LTBP1: variants seen among roughly 807,000 people sequenced by gnomAD.
The protein encoded by LTBP1 is latent transforming growth factor beta binding protein 1.
A neutral mutation model predicts 207.6 loss-of-function variants in LTBP1; 129 were observed. That is an observed-to-expected ratio of 0.62 (90% CI 0.54 to 0.72). The LOEUF is 0.72. Ranked by LOEUF, LTBP1 falls within the 30% of genes least tolerant of loss-of-function variation. LTBP1 has a pLI of 0.00. For missense variants in LTBP1, 2,281 were observed against 2,217.2 expected (o/e 1.03, Z -0.58); for synonymous variants, 963 against 833.7 (o/e 1.16, Z -2.67).
At chr2:33,346,654 C>T (rs2094705475) in intron 25 of LTBP1, among the ~76,000 whole-genome samples, 1 of 150,834 alleles carries the variant, frequency 6.6e-6, no homozygotes, top group African/African-American at 2.4e-5. Flanking sequence ...CACTGCACTC[C>T]AGCCTGGGTG....
At chr2:33,232,851 G>C (rs898415977) in intron 9 of LTBP1, among the ~76,000 whole-genome samples, 4 of 152,020 alleles carry the variant, frequency 2.6e-5, no homozygotes, top group African/African-American at 4.8e-5. Flanking sequence ...ATTTTATAAT[G>C]AGACTACTCG....
At chr2:33,074,412 C>G (rs2077965412) in intron 3 of LTBP1, among the ~76,000 whole-genome samples, 1 of 133,102 alleles carries the variant, frequency 7.5e-6, no homozygotes, top group African/African-American at 2.5e-5. Context: ...GGTAGAGATA[C>G]TGAAAGAGCT....
chr2:33,397,731 C>G (rs1213339140), intron 33 of LTBP1, among the ~76,000 whole-genome samples: 1 of 147,688 alleles, frequency 6.8e-6, no homozygotes, highest in Admixed American at 6.8e-5. Flanking sequence ...ACCGTGTTAG[C>G]CAGGATGGTT....
chr2:33,004,240 A>G (rs1490420356), intron 2 of LTBP1, among the ~76,000 whole-genome samples: 1 of 152,100 alleles, frequency 6.6e-6, no homozygotes, highest in African/African-American at 2.4e-5. Context: ...TAACTTGTGC[A>G]GAGAGATTGT....
At chr2:33,118,402 T>G (rs147526773) in intron 4 of LTBP1, among the ~76,000 whole-genome samples, 1,766 of 152,280 alleles carry the variant, frequency 0.012, 13 homozygotes, top group Non-Finnish European at 0.018. Context: ...TGATAAAGCT[T>G]TGTGCTTTTT....
chr2:33,378,348 C>G (rs2095170509), intron 31 of LTBP1, among the ~76,000 whole-genome samples: 1 of 151,874 alleles, frequency 6.6e-6, no homozygotes, highest in African/African-American at 2.4e-5. Flanking sequence ...GCCACAGCCT[C>G]CCGAGTAGCT....
At chr2:33,023,806 C>A (rs879428683) in intron 3 of LTBP1, among the ~76,000 whole-genome samples, 1 of 152,178 alleles carries the variant, frequency 6.6e-6, no homozygotes, top group Admixed American at 6.5e-5. Flanking sequence ...TAGGTTATGA[C>A]ATAATCACAG....
intron 5 of LTBP1, among the ~76,000 whole-genome samples, chr2:33,172,061 T>A (rs1487983306): frequency 6.6e-6 from 1 of 152,158 alleles, no homozygotes; most frequent in Non-Finnish European, 1.5e-5. Context: ...TCATGCCAAA[T>A]TGTAAAGACC....
chr2:33,341,192 T>C (rs1375836325), intron 24 of LTBP1, among the ~76,000 whole-genome samples: 1 of 151,804 alleles, frequency 6.6e-6, no homozygotes, highest in Non-Finnish European at 1.5e-5. Flanking sequence ...AAAAGCACAA[T>C]GGGCGATGAT....
chr2:33,098,442 A>G (rs2079517507), intron 3 of LTBP1, among the ~76,000 whole-genome samples: 1 of 151,808 alleles, frequency 6.6e-6, no homozygotes, highest in Admixed American at 6.6e-5. Flanking sequence ...TATATAAATG[A>G]TTTTTTTCTG....
intron 7 of LTBP1, among the ~76,000 whole-genome samples, chr2:33,199,694 G>T (rs1405158853): frequency 5.3e-5 from 8 of 152,022 alleles, no homozygotes; most frequent in Non-Finnish European, 7.4e-5. Flanking sequence ...TGTCCCTGTT[G>T]GCAGATGACA....
chr2:33,265,189 AC>A (rs796873142), intron 15 of LTBP1, among the ~76,000 whole-genome samples: 22 of 152,266 alleles, frequency 1.4e-4, no homozygotes, highest in African/African-American at 5.3e-4. Flanking sequence ...TCACAGACAC[AC>A]CCAGAAATAT....
intron 3 of LTBP1, among the ~76,000 whole-genome samples, chr2:33,054,947 T>G (rs771024731): frequency 5.9e-5 from 9 of 152,100 alleles, no homozygotes; most frequent in Non-Finnish European, 1.0e-4. Flanking sequence ...GGCAGCTTTT[T>G]CTCACTGGAC....
intron 7 of LTBP1, among the ~76,000 whole-genome samples, chr2:33,200,541 A>C: frequency 6.6e-6 from 1 of 152,222 alleles, no homozygotes; most frequent in Non-Finnish European, 1.5e-5. Context: ...AAACCTAGGC[A>C]TTACCATTCA....
chr2:32,997,565 C>T (rs1191418126), intron 2 of LTBP1, among the ~76,000 whole-genome samples: 1 of 152,124 alleles, frequency 6.6e-6, no homozygotes, highest in East Asian at 1.9e-4. Flanking sequence ...TGGAGAGCGG[C>T]TTCCCCTGGG....
At chr2:33,010,660 A>G (rs1687557596) in intron 2 of LTBP1, among the ~76,000 whole-genome samples, 1 of 152,140 alleles carries the variant, frequency 6.6e-6, no homozygotes, top group African/African-American at 2.4e-5. Context: ...ATTATGTATC[A>G]ATTAAAAAAA....
Position 33,363,502 on chromosome 2 carries a change from G to A in LTBP1, c.4383G>A (p.Val1461=). The A allele has an allele frequency of 6.2e-7, 1 of 1,613,834 alleles. No homozygotes were observed. The highest frequency in any genetic ancestry group is 8.5e-7 in the Non-Finnish European group (1 of 1,179,768). Residue 1461 remains valine (V), a synonymous_variant, in exon 29 of 34, where the codon GTG becomes GTA. Coordinates refer to ENST00000404816, the MANE Select transcript of LTBP1 (RefSeq NM_206943.4). ...AGCAAGGGACGTACTATGATCCTGT[G>A]AAACTGCAGTGCTTTGGTAAGCTTT... ...YCKQGTYYDP[V]KLQCFDMDEC...
intron 2 of LTBP1, among the ~76,000 whole-genome samples, chr2:33,012,344 A>T (rs1687786439): frequency 6.6e-6 from 1 of 152,220 alleles, no homozygotes; most frequent in South Asian, 2.1e-4. Context: ...GTGTCTGCTC[A>T]TCAGTAGATG....
Position 33,364,320 on chromosome 2 carries a change from T to G in LTBP1, c.4504T>G (p.Ser1502Ala). The change falls in exon 30 of 34, where the codon TCA becomes GCA. Residue 1502 changes from serine (S) to alanine (A), a missense_variant. Ser to Ala is a moderately conservative substitution (Grantham distance 99). Transcript: ENST00000404816. ...FCTHPMVLDA[S>A]EKRCIRPAES... ...TACTCACCCCATGGTCCTGGATGCGTCAGAAAAAAGATGTATACGACCGGC... is the reference window on the plus strand; with the variant it reads ...TACTCACCCCATGGTCCTGGATGCGGCAGAAAAAAGATGTATACGACCGGC... 1 of 1,613,882 alleles carries G rather than the reference T, an allele frequency of 6.2e-7. No individual in the cohort carries two copies.
Sources: gnomAD v4.1 joint callset for allele counts (sites outside exome capture counted in the v4.1 genomes callset) on GRCh38, gnomAD v4.1.1 for gene constraint, MANE v1.5 for transcripts, NCBI Gene and HGNC (gene_info 2026-07-23, HGNC 2026-07-21) for gene names.